Variants in DCDC1 observed in about 807,000 individuals in gnomAD.
The protein encoded by DCDC1 is doublecortin domain-containing protein 1.
Under a neutral mutation model 178.3 loss-of-function variants are expected in DCDC1, and 200 were observed. That is an observed-to-expected ratio of 1.12 (90% CI 1.00 to 1.26). DCDC1 has a LOEUF of 1.26. Among genes scored for constraint, DCDC1 ranks in the 50% most tolerant of loss-of-function variants. The pLI, the probability that DCDC1 is intolerant of heterozygous loss-of-function variation, is 0.00. For synonymous variants in DCDC1, 690 were observed against 604.8 expected (o/e 1.14, Z -2.07); for missense variants, 1,983 against 1,749.2 (o/e 1.13, Z -2.38).
chr11:30,931,672 T>C (rs1432133988), intron 22 of DCDC1, 99 bp downstream of exon 22: 1 of 1,278,352 alleles, frequency 7.8e-7, no homozygotes, highest in African/African-American at 1.5e-5. Context: ...TTTTGCTAAA[T>C]AAATACAGAA....
chr11:30,971,517 G>A (rs1301354140), intron 20 of DCDC1, among the ~76,000 whole-genome samples: 1 of 147,280 alleles, frequency 6.8e-6, no homozygotes, highest in Non-Finnish European at 1.5e-5. Context: ...ATAATCCATT[G>A]AATGACATAA....
chr11:31,019,582 C>A (rs1340863107), intron 20 of DCDC1, among the ~76,000 whole-genome samples: 1 of 152,008 alleles, frequency 6.6e-6, no homozygotes, highest in East Asian at 1.9e-4. Flanking sequence ...TTTTAAAATC[C>A]TTTTCTACAT....
chr11:30,947,341 TA>T (rs967690464), intron 21 of DCDC1, among the ~76,000 whole-genome samples: 7 of 152,210 alleles, frequency 4.6e-5, no homozygotes, highest in African/African-American at 1.2e-4. Context: ...GTAACCAAAA[TA>T]GCATGGTACT....
intron 9 of DCDC1, among the ~76,000 whole-genome samples, chr11:31,225,327 G>A (rs1974784360): frequency 6.7e-6 from 1 of 148,760 alleles, no homozygotes; most frequent in African/African-American, 2.5e-5. Flanking sequence ...GCTATGAGGA[G>A]GCAAAGGCAT....
intron 15 of DCDC1, among the ~76,000 whole-genome samples, chr11:31,099,715 T>G (rs1196857882): frequency 7.0e-6 from 1 of 142,298 alleles, no homozygotes; most frequent in African/African-American, 2.6e-5. Context: ...TGTTTGTTTG[T>G]TTGTTGTTTT....
chr11:30,958,828 G>A (rs1948914541), intron 20 of DCDC1, among the ~76,000 whole-genome samples: 1 of 152,104 alleles, frequency 6.6e-6, no homozygotes, highest in South Asian at 2.1e-4. Flanking sequence ...GACCTGGGGA[G>A]TGATTGGAGA....
chr11:31,135,263 T>C (rs1464527216), intron 10 of DCDC1, among the ~76,000 whole-genome samples: 13 of 152,186 alleles, frequency 8.5e-5, no homozygotes, highest in Non-Finnish European at 1.9e-4. Context: ...CACCACCAAA[T>C]TTTTCCTTTC....
intron 20 of DCDC1, among the ~76,000 whole-genome samples, chr11:31,020,153 G>A (rs1952771780): frequency 6.6e-6 from 1 of 152,028 alleles, no homozygotes; most frequent in African/African-American, 2.4e-5. Context: ...AAGAGGTGCT[G>A]GATAAGTATT....
At chr11:31,081,855 CCTCT>C (rs1392346957) in intron 17 of DCDC1, among the ~76,000 whole-genome samples, 1 of 152,064 alleles carries the variant, frequency 6.6e-6, no homozygotes, top group Non-Finnish European at 1.5e-5. Flanking sequence ...AAAAAACAAA[CCTCT>C]CATGAAGTGC....
Position 30,941,551 on chromosome 11 carries a change from A to G in DCDC1, c.2716-9599T>C, listed in dbSNP as rs558888923. Reference sequence around the variant, plus strand: ...TTCTTCAGGTCTTTACTCAAATATCACCTCAATGAAGCCTTACCTAGTCAA... The same window carrying G: ...TTCTTCAGGTCTTTACTCAAATATCGCCTCAATGAAGCCTTACCTAGTCAA... On this transcript the variant is annotated intron_variant, in intron 21 of 38. Transcript: ENST00000684477. Among the ~76,000 whole-genome samples, 9 of 152,198 alleles carry G rather than the reference A, an allele frequency of 5.9e-5. No homozygotes were observed. The East Asian group carries it at 1.4e-3, about 23-fold the overall frequency.
intron 7 of DCDC1, among the ~76,000 whole-genome samples, chr11:31,276,465 T>C (rs1009596527): frequency 5.3e-5 from 8 of 152,112 alleles, no homozygotes; most frequent in African/African-American, 1.9e-4. Flanking sequence ...GGGAATCTGT[T>C]TTTATAGAAT....
At chr11:31,137,813 G>C in intron 9 of DCDC1, 29 bp from the exon 10 acceptor site, 1 of 699,258 alleles carries the variant, frequency 1.4e-6, no homozygotes, top group Non-Finnish European at 2.6e-6. Flanking sequence ...CAGCATGAAA[G>C]CAGGTATCTA....
chr11:31,136,426 G>A (rs941440064), intron 10 of DCDC1, among the ~76,000 whole-genome samples: 4 of 151,986 alleles, frequency 2.6e-5, no homozygotes, highest in African/African-American at 9.7e-5. Flanking sequence ...TACCAGACAA[G>A]TGTGTCCCAA....
At chr11:31,199,196 T>C (rs994762097) in intron 9 of DCDC1, among the ~76,000 whole-genome samples, 1 of 152,104 alleles carries the variant, frequency 6.6e-6, no homozygotes, top group Admixed American at 6.6e-5. Context: ...AAAAGCTCTC[T>C]GTCTGTGAGA....
chr11:30,969,071 G>C (rs1949633612), intron 20 of DCDC1, among the ~76,000 whole-genome samples: 2 of 151,704 alleles, frequency 1.3e-5, no homozygotes, highest in Non-Finnish European at 2.9e-5. Flanking sequence ...TTTGGCCAAA[G>C]CCACTGCAAG....
intron 9 of DCDC1, among the ~76,000 whole-genome samples, chr11:31,178,178 G>C (rs1444714996): frequency 6.6e-6 from 1 of 152,158 alleles, no homozygotes; most frequent in Non-Finnish European, 1.5e-5. Context: ...GCATGGTCCT[G>C]GCATAAAAAC....
chr11:30,928,060 T>C lies in DCDC1; in HGVS notation c.2898-2652A>G, dbSNP rs539489638. On this transcript the variant is annotated intron_variant, in intron 22 of 38. Transcript: ENST00000684477. ...CTCCAATGATGGAGATGAGGCCTAA[T>C]GAGAGGTGTTTGAGTCATGATAGAA... 1.6e-4 allele frequency among the ~76,000 whole-genome samples: 24 copies of C among 152,266 alleles called. No homozygotes were observed. The East Asian group carries it at 3.9e-3, about 24-fold the overall frequency.
intron 9 of DCDC1, among the ~76,000 whole-genome samples, chr11:31,148,698 G>A (rs1466552918): frequency 2.2e-5 from 3 of 137,266 alleles, no homozygotes; most frequent in African/African-American, 5.6e-5. Flanking sequence ...GCAAGACTCC[G>A]TCTCAAAAAA....
chr11:31,097,662 T>G lies in DCDC1; in HGVS notation c.1984-3478A>C, dbSNP rs180928289. 6.7e-3 allele frequency among the ~76,000 whole-genome samples: 1,017 copies of G among 152,284 alleles called. 5 individuals are homozygous for G. The highest frequency in any genetic ancestry group is 8.8e-3 in the Admixed American group (135 of 15,284). On this transcript the variant is annotated intron_variant, in intron 15 of 38. Transcript: ENST00000684477. ...ATGCAGTCAAACACGGCAAAATATC[T>G]AAGATCTAACTGGTCTGAATATAAG...
Sources: allele counts gnomAD v4.1 joint callset (sites outside exome capture counted in the v4.1 genomes callset), GRCh38; gene constraint gnomAD v4.1.1; transcripts MANE v1.5; gene names NCBI Gene and HGNC (gene_info 2026-07-23, HGNC 2026-07-21).